Variants in RHOJ observed in about 807,000 individuals in gnomAD.
The protein encoded by RHOJ is ras homolog family member J.
A neutral mutation model predicts 23.4 loss-of-function variants in RHOJ; 11 were observed. The ratio of observed to expected loss-of-function variants is 0.47; its 90% confidence interval spans 0.30 to 0.78. RHOJ has a LOEUF of 0.78. Ranked by LOEUF, RHOJ falls within the 30% of genes least tolerant of loss-of-function variation. The pLI is 0.08. For missense variants in RHOJ, 254 were observed against 273.4 expected (o/e 0.93, Z 0.50); for synonymous variants, 102 against 102.7 (o/e 0.99, Z 0.04).
chr14:63,276,873 T>C (rs1470267122), intron 2 of RHOJ, among the ~76,000 whole-genome samples: 1 of 152,236 alleles, frequency 6.6e-6, no homozygotes, highest in Non-Finnish European at 1.5e-5. Flanking sequence ...CCCAATCTAG[T>C]TGTGACATTT....
intron 1 of RHOJ, among the ~76,000 whole-genome samples, chr14:63,212,186 C>T (rs1379252273): frequency 1.3e-5 from 2 of 152,250 alleles, no homozygotes; most frequent in East Asian, 3.9e-4. Flanking sequence ...TGGGCCAGGC[C>T]TGGAAGTGAC....
intron 1 of RHOJ, among the ~76,000 whole-genome samples, chr14:63,242,659 G>A (rs17765297): frequency 0.093 from 14,226 of 152,180 alleles, 738 homozygotes; most frequent in African/African-American, 0.12. Flanking sequence ...CCCACTTGGA[G>A]AAGCCTGGCT....
intron 1 of RHOJ, among the ~76,000 whole-genome samples, chr14:63,219,806 T>C (rs1375455670): frequency 1.7e-4 from 18 of 107,512 alleles, no homozygotes; most frequent in East Asian, 1.1e-3. Context: ...CAGAGCGAGA[T>C]TGCATCTCAA....
chr14:63,229,951 C>T (rs1894660838), intron 1 of RHOJ, among the ~76,000 whole-genome samples: 1 of 152,152 alleles, frequency 6.6e-6, no homozygotes, highest in Admixed American at 6.5e-5. Context: ...GGAATAGTAA[C>T]CCAAATTTAG....
intron 1 of RHOJ, 52 bp from the exon 2 acceptor site, chr14:63,269,058 G>A: frequency 7.6e-7 from 1 of 1,313,316 alleles, no homozygotes; most frequent in Non-Finnish European, 1.1e-6. Context: ...GCTCCTGATT[G>A]AAGCTTGTGT....
chr14:63,205,151 G>A (rs1450714074), intron 1 of RHOJ, 104 bp downstream of exon 1: 4 of 1,226,006 alleles, frequency 3.3e-6, no homozygotes, highest in Admixed American at 2.6e-5. Context: ...TATTGGGTGC[G>A]GGCCTGGCAG....
chr14:63,250,442 T>C (rs892225686), intron 1 of RHOJ, among the ~76,000 whole-genome samples: 1 of 152,146 alleles, frequency 6.6e-6, no homozygotes, highest in Non-Finnish European at 1.5e-5. Flanking sequence ...TTTTGCCATG[T>C]TGCCCAAGCT....
chr14:63,225,374 G>T (rs1894574166), intron 1 of RHOJ, among the ~76,000 whole-genome samples: 1 of 152,090 alleles, frequency 6.6e-6, no homozygotes, highest in South Asian at 2.1e-4. Context: ...GAAGAAAAAA[G>T]AAAACAAAGC....
intron 1 of RHOJ, among the ~76,000 whole-genome samples, chr14:63,262,260 GA>G (rs1895285668): frequency 6.6e-6 from 1 of 152,168 alleles, no homozygotes; most frequent in South Asian, 2.1e-4. Context: ...TTTGTGAGAT[GA>G]CTGAAATGCT....
intron 1 of RHOJ, among the ~76,000 whole-genome samples, chr14:63,253,632 T>G (rs1452186773): frequency 6.6e-6 from 1 of 152,234 alleles, no homozygotes; most frequent in African/African-American, 2.4e-5. Context: ...CCATTTCTAT[T>G]TTTAGGCAGG....
chr14:63,214,047 C>T (rs1894297828), intron 1 of RHOJ, among the ~76,000 whole-genome samples: 1 of 152,138 alleles, frequency 6.6e-6, no homozygotes, highest in African/African-American at 2.4e-5. Context: ...TTGCTTATAC[C>T]AAATACAATA....
rs148425776 is a variant in RHOJ at position 63,269,162 on chromosome 14, G to A, written c.231G>A (p.Ala77=). ...KQHLLGLYDT[A]GQEDYNQLRP... Reference sequence around the variant, plus strand: ...ACTTGCTCGGACTGTATGACACCGCGGGACAGGTACATTTTTATTATCTTG... The same window carrying A: ...ACTTGCTCGGACTGTATGACACCGCAGGACAGGTACATTTTTATTATCTTG... The change falls in exon 2 of 5, where the codon GCG becomes GCA. Residue 77 remains alanine (A), a synonymous_variant. Transcript: ENST00000316754. 2.0e-4 allele frequency: 330 copies of A among 1,610,992 alleles called. No individual in the cohort carries two copies. The highest frequency in any genetic ancestry group is 3.3e-4 in the Middle Eastern group (2 of 6,076).
intron 1 of RHOJ, among the ~76,000 whole-genome samples, chr14:63,205,459 C>T (rs1399240258): frequency 2.0e-5 from 3 of 152,178 alleles, no homozygotes; most frequent in South Asian, 4.1e-4. Context: ...GTTCTTGCCG[C>T]TCTTTGCGTA....
chr14:63,278,868 C>A (rs141918970), intron 2 of RHOJ, among the ~76,000 whole-genome samples: 3 of 152,168 alleles, frequency 2.0e-5, no homozygotes, highest in Admixed American at 6.5e-5. Flanking sequence ...TGCCTGTAGT[C>A]CAAGCTACTT....
In RHOJ at chr14:63,290,898, G is replaced by A. The variant is rs772427814; in HGVS notation, c.519G>A (p.Leu173=). The A allele has an allele frequency of 1.5e-5, 24 of 1,613,342 alleles. No homozygotes were observed. In the Admixed American group the frequency reaches 4.0e-4, roughly 27 times the overall value. The part of the protein sequence containing the change: ...LAKAIGAQCY[L]ECSALTQKGL... ...TTAAGATCGGAGCACAGTGCTACTT[G>A]GAATGTTCAGCTCTGACTCAGAAAG... is the stretch of plus-strand genomic sequence containing the variant. Residue 173 remains leucine (L), a synonymous_variant, in exon 5 of 5, where the codon TTG becomes TTA. Transcript: ENST00000316754.
intron 1 of RHOJ, among the ~76,000 whole-genome samples, chr14:63,209,612 C>T (rs971162640): frequency 6.6e-6 from 1 of 152,170 alleles, no homozygotes; most frequent in Non-Finnish European, 1.5e-5. Flanking sequence ...GTTAATACTA[C>T]CTGATATTAT....
At position 63,205,124 on chromosome 14, in the gene RHOJ, C is replaced by G. The variant is rs574495824; in HGVS notation, c.178+77C>G. On this transcript the variant is annotated intron_variant, in intron 1 of 4. Coordinates refer to ENST00000316754, the MANE Select transcript of RHOJ (RefSeq NM_020663.5). ...AGACCCTAAGTTCAGAGGGGCCTGG[C>G]TCATTTCTAATGTCAGTATTGGGTG... The G allele has an allele frequency of 8.1e-6, 12 of 1,482,986 alleles. No homozygotes were observed. The South Asian group carries it at 1.6e-4, about 19-fold the overall frequency. 91.9% of individuals were successfully genotyped at this position (1,482,986 alleles called of 1,614,324 possible). A position where few individuals can be genotyped will look rare whatever the true frequency, so the allele number is the denominator to read the frequency against.
chr14:63,216,520 G>C (rs1894359277), intron 1 of RHOJ, among the ~76,000 whole-genome samples: 1 of 152,114 alleles, frequency 6.6e-6, no homozygotes, highest in African/African-American at 2.4e-5. Flanking sequence ...CTTTATACTT[G>C]TCAAAGTAAG....
intron 1 of RHOJ, among the ~76,000 whole-genome samples, chr14:63,222,511 A>G (rs113679034): frequency 0.11 from 16,724 of 151,934 alleles, 1,085 homozygotes; most frequent in East Asian, 0.17. Context: ...TTTAATGATC[A>G]CCATTCTAAC....
Sources: allele counts gnomAD v4.1 joint callset (sites outside exome capture counted in the v4.1 genomes callset), GRCh38; gene constraint gnomAD v4.1.1; transcripts MANE v1.5; gene names NCBI Gene and HGNC (gene_info 2026-07-23, HGNC 2026-07-21).